Variants in ENOX1 observed in about 807,000 individuals in gnomAD.
ENOX1 encodes candidate growth-related and time keeping constitutive hydroquinone (NADH) oxidase.
In ENOX1, 42 loss-of-function variants were observed where a neutral mutation model predicts 82.5. The observed-to-expected ratio is 0.51, with a 90% CI of 0.40 to 0.66. The LOEUF is 0.66. Ranked by LOEUF, ENOX1 falls within the 30% of genes least tolerant of loss-of-function variation. The probability of loss-of-function intolerance (pLI) is 0.00; values close to 1 mark genes in which losing one functional copy is unlikely to be tolerated. For synonymous variants in ENOX1, 271 were observed against 282.2 expected (o/e 0.96, Z 0.40); for missense variants, 608 against 811.6 (o/e 0.75, Z 3.05).
At chr13:43,733,298 T>C (rs1287547265) in intron 1 of ENOX1, among the ~76,000 whole-genome samples, 1 of 152,186 alleles carries the variant, frequency 6.6e-6, no homozygotes, top group Non-Finnish European at 1.5e-5. Flanking sequence ...AAATACCTTC[T>C]GTGCAACAGA....
rs537503984 is a variant in ENOX1, at chr13:43,710,958, C to T, written c.-284-43414G>A. Among the ~76,000 whole-genome samples, 4 of 151,794 alleles carry T rather than the reference C, an allele frequency of 2.6e-5. No homozygotes were observed. In the South Asian group the frequency reaches 8.3e-4, roughly 32 times the overall value. On this transcript the variant is annotated intron_variant, in intron 1 of 16. Coordinates refer to ENST00000690772, the MANE Select transcript of ENOX1 (RefSeq NM_001347969.2). The stretch of plus-strand genomic sequence containing the variant: ...TACTTTAAGTTTTAGGTTACATGTG[C>T]ACAATGTGCAGGTTTGTTACATATG...
At chr13:43,535,314 C>T (rs538209174) in intron 2 of ENOX1, among the ~76,000 whole-genome samples, 183 of 152,260 alleles carry the variant, frequency 1.2e-3, no homozygotes, top group African/African-American at 4.2e-3. Flanking sequence ...GAACCTATCA[C>T]TAAAGAACTC....
At chr13:43,334,847 TGAATAAGCCTCAGCAGGG>T (rs1329004236) in intron 9 of ENOX1, among the ~76,000 whole-genome samples, 1 of 152,126 alleles carries the variant, frequency 6.6e-6, no homozygotes, top group Non-Finnish European at 1.5e-5. Context: ...TAAAAGTCAT[TGAATAAGCCTCAGCAGGG>T]GAAACTTACA....
intron 2 of ENOX1, among the ~76,000 whole-genome samples, chr13:43,486,227 A>C (rs1467824707): frequency 1.3e-5 from 2 of 152,122 alleles, no homozygotes; most frequent in Non-Finnish European, 2.9e-5. Context: ...AAAACAAAAA[A>C]CAAAAATTAG....
intron 11 of ENOX1, among the ~76,000 whole-genome samples, chr13:43,315,615 C>G (rs2047434240): frequency 6.6e-6 from 1 of 152,170 alleles, no homozygotes; most frequent in East Asian, 1.9e-4. Context: ...CAAACGCAAG[C>G]TGAAAACATA....
intron 3 of ENOX1, among the ~76,000 whole-genome samples, chr13:43,428,725 G>A (rs769811821): frequency 6.6e-6 from 1 of 152,164 alleles, no homozygotes; most frequent in Non-Finnish European, 1.5e-5. Flanking sequence ...CAAGGAAGAG[G>A]CCTGGAATGC....
chr13:43,649,762 A>C (rs9525816), intron 2 of ENOX1, among the ~76,000 whole-genome samples: 1 of 150,684 alleles, frequency 6.6e-6, no homozygotes, highest in African/African-American at 2.4e-5. Context: ...TTTGTAAACT[A>C]TAGAACACAA....
At chr13:43,349,886 A>G (rs1239141520) in intron 8 of ENOX1, among the ~76,000 whole-genome samples, 1 of 81,512 alleles carries the variant, frequency 1.2e-5, no homozygotes, top group African/African-American at 3.3e-5. Context: ...CCCACGACCA[A>G]TTAAATCCCT....
At chr13:43,447,524 C>G (rs1424024432) in intron 3 of ENOX1, among the ~76,000 whole-genome samples, 1 of 152,030 alleles carries the variant, frequency 6.6e-6, no homozygotes, top group Non-Finnish European at 1.5e-5. Flanking sequence ...CCCTGACTTA[C>G]ATTCCCTGTC....
intron 2 of ENOX1, among the ~76,000 whole-genome samples, chr13:43,538,061 G>A (rs1428544182): frequency 1.3e-5 from 2 of 152,156 alleles, no homozygotes; most frequent in East Asian, 3.9e-4. Flanking sequence ...TGCTCTTAGC[G>A]CTAGCTGATC....
At chr13:43,370,309 G>A (rs1001629060) in intron 5 of ENOX1, among the ~76,000 whole-genome samples, 1 of 152,080 alleles carries the variant, frequency 6.6e-6, no homozygotes, top group Non-Finnish European at 1.5e-5. Flanking sequence ...GGAGCTTGTA[G>A]TGAGCCGAGA....
chr13:43,222,880 C>A (rs2041860571), intron 16 of ENOX1, among the ~76,000 whole-genome samples: 2 of 151,928 alleles, frequency 1.3e-5, no homozygotes, highest in South Asian at 4.2e-4. Context: ...GGGGAAACCA[C>A]AATGAAAAAA....
intron 3 of ENOX1, among the ~76,000 whole-genome samples, chr13:43,421,869 C>T (rs899542150): frequency 4.8e-5 from 7 of 146,744 alleles, no homozygotes; most frequent in South Asian, 2.1e-4. Context: ...ATATATTTTA[C>T]GTTTTATATA....
At chr13:43,243,833 C>T (rs1431777669) in intron 14 of ENOX1, among the ~76,000 whole-genome samples, 5 of 152,138 alleles carry the variant, frequency 3.3e-5, no homozygotes, top group East Asian at 1.9e-4. Flanking sequence ...TCTTTCTATG[C>T]TATGTCCAGA....
At chr13:43,756,320 C>T (rs1356626709) in intron 1 of ENOX1, among the ~76,000 whole-genome samples, 1 of 151,918 alleles carries the variant, frequency 6.6e-6, no homozygotes, top group Non-Finnish European at 1.5e-5. Flanking sequence ...CCAGCTACTC[C>T]TCAGGAGGCT....
Position 43,352,486 on chromosome 13 carries a change from A to T in ENOX1, c.823+3433T>A, listed in dbSNP as rs900223742. On this transcript the variant is annotated intron_variant, in intron 8 of 16. Coordinates refer to ENST00000690772, the MANE Select transcript of ENOX1 (RefSeq NM_001347969.2). ...TGGATGGTCTGTGTTAGACACACTG[A>T]AATTCATTATCTCATCTGCCTGGTT... 3.3e-5 allele frequency among the ~76,000 whole-genome samples: 5 copies of T among 152,208 alleles called. No individual in the cohort carries two copies. The East Asian group carries it at 9.6e-4, about 29-fold the overall frequency.
intron 14 of ENOX1, among the ~76,000 whole-genome samples, chr13:43,238,887 G>A (rs1566307515): frequency 1.3e-5 from 2 of 152,110 alleles, no homozygotes; most frequent in Non-Finnish European, 2.9e-5. Context: ...GGTTCATTGA[G>A]GGAAATGGAC....
chr13:43,695,598 C>T (rs1252854097), intron 1 of ENOX1, among the ~76,000 whole-genome samples: 1 of 151,994 alleles, frequency 6.6e-6, no homozygotes, highest in Non-Finnish European at 1.5e-5. Flanking sequence ...CAGGCATGCA[C>T]CACCGTGCCC....
chr13:43,772,022 G>A (rs1366374478), intron 1 of ENOX1, among the ~76,000 whole-genome samples: 2 of 140,618 alleles, frequency 1.4e-5, no homozygotes, highest in Admixed American at 1.6e-4. Context: ...CTGACCTCAT[G>A]ATCCGCCCGC....
Sources: allele counts gnomAD v4.1 joint callset (sites outside exome capture counted in the v4.1 genomes callset), GRCh38; gene constraint gnomAD v4.1.1; transcripts MANE v1.5; gene names NCBI Gene and HGNC (gene_info 2026-07-23, HGNC 2026-07-21).